PREX1: variants seen among roughly 807,000 people sequenced by gnomAD.
PREX1 encodes phosphatidylinositol 3,4,5-trisphosphate-dependent Rac exchanger 1 protein.
PREX1 carries 41 observed loss-of-function variants against 198.3 expected under a neutral mutation model. The observed-to-expected ratio is 0.21, with a 90% CI of 0.16 to 0.27. PREX1 has a LOEUF of 0.27. PREX1 is among the 10% of genes least tolerant of loss of function. The pLI is 1.00. For missense variants in PREX1, 1,620 were observed against 2,200.7 expected (o/e 0.74, Z 5.28); for synonymous variants, 843 against 887.2 (o/e 0.95, Z 0.89).
intron 1 of PREX1, among the ~76,000 whole-genome samples, chr20:48,767,059 T>C (rs1193127726): frequency 1.3e-5 from 2 of 152,210 alleles, no homozygotes; most frequent in Non-Finnish European, 2.9e-5. Flanking sequence ...AATGTAGCCC[T>C]GCCACAGACT....
At chr20:48,853,689 C>T in the PREX1 span, among the ~76,000 whole-genome samples, 1 of 152,164 alleles carries the variant, frequency 6.6e-6, no homozygotes, top group Non-Finnish European at 1.5e-5. Context: ...CACATATGAA[C>T]ACACACACAC....
intron 15 of PREX1, among the ~76,000 whole-genome samples, chr20:48,664,734 G>A (rs1383080560): frequency 6.6e-6 from 1 of 151,936 alleles, no homozygotes; most frequent in African/African-American, 2.4e-5. Flanking sequence ...TCTAATCCCA[G>A]CTCCAGACGG....
chr20:48,641,200 T>C (rs1261930359), intron 29 of PREX1, among the ~76,000 whole-genome samples: 2 of 152,152 alleles, frequency 1.3e-5, no homozygotes, highest in Non-Finnish European at 2.9e-5. Flanking sequence ...AAGCCTCAAT[T>C]TGGTGTTGGT....
At chr20:48,791,208 C>A (rs1477123364) in intron 1 of PREX1, among the ~76,000 whole-genome samples, 1 of 152,166 alleles carries the variant, frequency 6.6e-6, no homozygotes, top group Non-Finnish European at 1.5e-5. Flanking sequence ...ACAGACAAAG[C>A]ACACAGAAAT....
intron 1 of PREX1, among the ~76,000 whole-genome samples, chr20:48,824,419 T>G (rs2090500167): frequency 2.0e-5 from 3 of 152,114 alleles, no homozygotes; most frequent in Admixed American, 1.3e-4. Context: ...CCCATCCTCC[T>G]CTCAGTGCTG....
At chr20:48,743,990 G>GTGATGATGA (rs3037311) in intron 3 of PREX1, among the ~76,000 whole-genome samples, 69 of 149,280 alleles carry the variant, frequency 4.6e-4, no homozygotes, top group South Asian at 1.3e-3. Context: ...AAGTGAGTTA[G>GTGATGATGA]TGATGATGAT....
At chr20:48,676,670 A>G (rs1332844635) in intron 13 of PREX1, among the ~76,000 whole-genome samples, 1 of 151,910 alleles carries the variant, frequency 6.6e-6, no homozygotes, top group African/African-American at 2.4e-5. Flanking sequence ...ATGCTGCTGA[A>G]GATCCTACAA....
intron 10 of PREX1, among the ~76,000 whole-genome samples, chr20:48,687,298 T>C (rs1272254046): frequency 1.3e-5 from 2 of 152,200 alleles, no homozygotes; most frequent in Admixed American, 1.3e-4. Context: ...ACTGCACTCG[T>C]GGGCTTCCCA....
intron 18 of PREX1, 68 bp from the exon 19 acceptor site, chr20:48,655,443 G>C: frequency 1.5e-6 from 2 of 1,297,576 alleles, no homozygotes; most frequent in Non-Finnish European, 2.1e-6. Context: ...AATAACCCCG[G>C]TGCCAACCCA....
chr20:48,790,779 C>T (rs1217960285), intron 1 of PREX1, among the ~76,000 whole-genome samples: 1 of 152,170 alleles, frequency 6.6e-6, no homozygotes, highest in Non-Finnish European at 1.5e-5. Flanking sequence ...CACCTTTCCC[C>T]ACAGCCACAG....
At chr20:48,671,411 G>A (rs902783607) in intron 14 of PREX1, among the ~76,000 whole-genome samples, 2 of 152,224 alleles carry the variant, frequency 1.3e-5, no homozygotes, top group African/African-American at 2.4e-5. Flanking sequence ...CCTGGGTACA[G>A]ACGGCATTGT....
At chr20:48,742,014 T>C (rs529356141) in intron 3 of PREX1, among the ~76,000 whole-genome samples, 16 of 152,230 alleles carry the variant, frequency 1.1e-4, no homozygotes, top group African/African-American at 3.4e-4. Flanking sequence ...AGAGATCTGA[T>C]TGATGTTTCC....
chr20:48,688,091 A>G (rs556535612), intron 10 of PREX1, among the ~76,000 whole-genome samples: 2 of 150,898 alleles, frequency 1.3e-5, no homozygotes, highest in Admixed American at 1.3e-4. Flanking sequence ...GCCCCAGCCA[A>G]AAAAAAAATG....
intron 25 of PREX1, among the ~76,000 whole-genome samples, chr20:48,647,345 AC>A (rs1212901459): frequency 6.6e-6 from 1 of 151,854 alleles, no homozygotes; most frequent in Non-Finnish European, 1.5e-5. Context: ...ACATGGTGAA[AC>A]CCCATCTCTA....
chr20:48,720,228 C>T (rs537071309), intron 5 of PREX1, among the ~76,000 whole-genome samples: 46 of 152,328 alleles, frequency 3.0e-4, no homozygotes, highest in African/African-American at 1.1e-3. Flanking sequence ...CCCTGAGTGA[C>T]TCCTGGTCCT....
At chr20:48,854,122 G>C in the PREX1 span, among the ~76,000 whole-genome samples, 1 of 152,220 alleles carries the variant, frequency 6.6e-6, no homozygotes, top group East Asian at 1.9e-4. Flanking sequence ...GCTGGGCTGA[G>C]TCACACGCAG....
chr20:48,632,636 G>A lies in PREX1; in HGVS notation c.4271C>T (p.Thr1424Ile). The change falls in exon 34 of 40, where the codon ACC (threonine) becomes ATC (isoleucine). Residue 1424 changes from threonine (T) to isoleucine (I), a missense_variant. Physicochemically the swap from Thr to Ile is moderately conservative, Grantham distance 89 (BLOSUM62 -1). This residue lies in a region of PREX1 where 476 missense variants were observed against 603.4 expected (regional missense o/e 0.79). Transcript: ENST00000371941. ...KQLDENYVAN[T>I]NVFYHIEGSR... Reference sequence around the variant, plus strand: ...GCCCTCAATGTGGTAGAAGACGTTGGTGTCTGCGGAAGGATATGGGGCAGG... The same window carrying A: ...GCCCTCAATGTGGTAGAAGACGTTGATGTCTGCGGAAGGATATGGGGCAGG... The A allele has an allele frequency of 6.2e-7, 1 of 1,613,702 alleles. No homozygotes were observed. Among genetic ancestry groups the A allele is most frequent in the South Asian group, 1.1e-5 (1 of 91,020 alleles).
Position 48,662,401 on chromosome 20 carries a change from G to A in PREX1, c.1739-2340C>T, listed in dbSNP as rs6125426. Among the ~76,000 whole-genome samples the A allele has an allele frequency of 2.3e-3, 353 of 152,294 alleles. 3 individuals are homozygous for A. Among genetic ancestry groups the A allele is most frequent in the African/African-American group, 8.2e-3 (342 of 41,550 alleles). ...ACCTTTCCCTCGAGGCTGCTGGTCC[G>A]GCTTTATAGGATAATCTCAGATCTG... On this transcript the variant is annotated intron_variant, in intron 15 of 39. Coordinates refer to ENST00000371941, the MANE Select transcript of PREX1 (RefSeq NM_020820.4).
At chr20:48,722,857 T>C (rs2089992231) in intron 5 of PREX1, among the ~76,000 whole-genome samples, 1 of 152,228 alleles carries the variant, frequency 6.6e-6, no homozygotes, top group Non-Finnish European at 1.5e-5. Flanking sequence ...CCCGGGTCTG[T>C]CTTGTTCTCA....
Sources: gnomAD v4.1 joint callset for allele counts (sites outside exome capture counted in the v4.1 genomes callset) on GRCh38, gnomAD v4.1.1 for gene constraint, gnomAD v4.1.1 regional missense constraint, MANE v1.5 for transcripts, NCBI Gene and HGNC (gene_info 2026-07-23, HGNC 2026-07-21) for gene names.